The following MACROD1 variants were observed in gnomAD, a reference collection of about 807,000 sequenced individuals.
MACROD1 encodes ADP-ribose glycohydrolase MACROD1.
Under a neutral mutation model 41.4 loss-of-function variants are expected in MACROD1, and 31 were observed. That is an observed-to-expected ratio of 0.75 (90% CI 0.56 to 1.01). MACROD1 has a LOEUF of 1.01. Ranked by LOEUF, MACROD1 falls within the 50% of genes least tolerant of loss-of-function variation. The pLI is 0.00. For missense variants in MACROD1, 473 were observed against 460.0 expected (o/e 1.03, Z -0.26); for synonymous variants, 252 against 203.4 (o/e 1.24, Z -2.03).
At chr11:64,108,854 C>A (rs1310906422) in intron 3 of MACROD1, among the ~76,000 whole-genome samples, 1 of 152,142 alleles carries the variant, frequency 6.6e-6, no homozygotes, top group Non-Finnish European at 1.5e-5. Context: ...CCAAAGGACC[C>A]CAGGGTCTGC....
intron 3 of MACROD1, among the ~76,000 whole-genome samples, chr11:64,101,896 C>A (rs1334447778): frequency 6.6e-6 from 1 of 152,184 alleles, no homozygotes; most frequent in Non-Finnish European, 1.5e-5. Context: ...GCCACCCTGT[C>A]CACCCCATCA....
chr11:64,010,525 G>A (rs559494533), intron 4 of MACROD1, among the ~76,000 whole-genome samples: 2 of 150,602 alleles, frequency 1.3e-5, no homozygotes, highest in Non-Finnish European at 3.0e-5. Context: ...GTGTTGGTTG[G>A]GGCGTTGGCT....
Position 64,037,717 on chromosome 11 carries a change from A to G in MACROD1, c.518-22436T>C, listed in dbSNP as rs1441155177. ...CAGAGACTGGATACTCTTCAGTAAA[A>G]AGCACCCTGACCCCAGCATGGAGGC... On this transcript the variant is annotated intron_variant, in intron 3 of 10. Transcript: ENST00000255681. Among the ~76,000 whole-genome samples the G allele has an allele frequency of 2.0e-5, 3 of 152,094 alleles. No homozygotes were observed. The East Asian group carries it at 5.8e-4, about 30-fold the overall frequency.
intron 1 of MACROD1, among the ~76,000 whole-genome samples, chr11:64,164,442 A>T (rs1945804291): frequency 6.6e-6 from 1 of 152,122 alleles, no homozygotes; most frequent in South Asian, 2.1e-4. Flanking sequence ...TTGTCCTCTG[A>T]GAGAGTGCTC....
At position 64,010,399 on chromosome 11, in the gene MACROD1, G is replaced by A. The variant is rs377151311; in HGVS notation, c.547+4853C>T. On this transcript the variant is annotated intron_variant, in intron 4 of 10. Transcript: ENST00000255681. Reference sequence around the variant, plus strand: ...GATGTTGGCTGGGGTGTTGACCGGGGTGTTGGCTGGAGTGTTGGTTGAGAT... The same window carrying A: ...GATGTTGGCTGGGGTGTTGACCGGGATGTTGGCTGGAGTGTTGGTTGAGAT... 1.6e-3 allele frequency among the ~76,000 whole-genome samples: 228 copies of A among 146,730 alleles called. 1 individual carries two copies. The Middle Eastern group carries it at 0.022, about 14-fold the overall frequency.
intron 3 of MACROD1, among the ~76,000 whole-genome samples, chr11:64,085,355 C>G (rs1030875122): frequency 6.6e-6 from 1 of 152,214 alleles, no homozygotes. Flanking sequence ...CACCCCAAAT[C>G]GAATTCGTGC....
chr11:64,104,377 G>A (rs1944722074), intron 3 of MACROD1, among the ~76,000 whole-genome samples: 1 of 152,090 alleles, frequency 6.6e-6, no homozygotes, highest in African/African-American at 2.4e-5. Flanking sequence ...GGCAGCTTCT[G>A]CTTGCCGGCA....
In MACROD1 at chr11:64,115,381, C is replaced by CTT. The variant is rs111536886; in HGVS notation, c.517+35856_517+35857dup. On this transcript the variant is annotated intron_variant, in intron 3 of 10. Transcript: ENST00000255681. ...CCTTTAAGTGCAAGAAAACAGACCA[C>CTT]TTTTTTTTTTTTTGAATAGCTGAAA... Among the ~76,000 whole-genome samples the CTT allele has an allele frequency of 6.8e-5, 10 of 146,006 alleles. No individual in the cohort carries two copies. The East Asian group carries it at 1.6e-3, about 23-fold the overall frequency.
At chr11:64,040,205 C>A (rs1943458928) in intron 3 of MACROD1, among the ~76,000 whole-genome samples, 1 of 152,040 alleles carries the variant, frequency 6.6e-6, no homozygotes, top group Admixed American at 6.5e-5. Context: ...CCCCGTGAAG[C>A]CTTGGCTCTG....
intron 3 of MACROD1, among the ~76,000 whole-genome samples, chr11:64,083,715 G>A (rs937538724): frequency 6.6e-6 from 1 of 152,254 alleles, no homozygotes; most frequent in Admixed American, 6.5e-5. Context: ...CGCCAGACTG[G>A]CTCCAGGTCT....
intron 3 of MACROD1, among the ~76,000 whole-genome samples, chr11:64,066,510 T>A (rs1372428220): frequency 6.6e-6 from 1 of 151,678 alleles, no homozygotes; most frequent in Non-Finnish European, 1.5e-5. Context: ...TCCCAGCTAC[T>A]CCAGAGGCTG....
chr11:64,019,645 T>G (rs942531174), intron 3 of MACROD1, among the ~76,000 whole-genome samples: 2 of 152,148 alleles, frequency 1.3e-5, no homozygotes, highest in Admixed American at 6.6e-5. Context: ...GCCAGTTGGG[T>G]GCCAGGGTTG....
chr11:64,155,580 A>G (rs976702639), intron 1 of MACROD1, among the ~76,000 whole-genome samples: 1 of 152,254 alleles, frequency 6.6e-6, no homozygotes, highest in African/African-American at 2.4e-5. Flanking sequence ...TACACGCCAG[A>G]CACACTCACT....
intron 1 of MACROD1, among the ~76,000 whole-genome samples, chr11:64,157,061 T>C (rs1159616482): frequency 6.6e-6 from 1 of 152,068 alleles, no homozygotes; most frequent in Non-Finnish European, 1.5e-5. Context: ...ACAGGGGCCT[T>C]AAGCCAGGAA....
chr11:64,131,528 T>A (rs945481803), intron 3 of MACROD1, among the ~76,000 whole-genome samples: 2 of 152,276 alleles, frequency 1.3e-5, no homozygotes, highest in South Asian at 4.1e-4. Context: ...GGTTTCTCCA[T>A]GTTGGCCAGG....
chr11:64,058,769 C>T (rs1234660698), intron 3 of MACROD1, among the ~76,000 whole-genome samples: 4 of 152,232 alleles, frequency 2.6e-5, no homozygotes, highest in Non-Finnish European at 4.4e-5. Context: ...GGTGGCCAGA[C>T]GATTCCTCTG....
intron 3 of MACROD1, among the ~76,000 whole-genome samples, chr11:64,095,758 C>T (rs1420609817): frequency 6.6e-6 from 1 of 152,218 alleles, no homozygotes; most frequent in Non-Finnish European, 1.5e-5. Context: ...ACCCCCAGCA[C>T]TAGCACGGAG....
In MACROD1 at chr11:64,040,425, G is replaced by A. The variant is rs899343691; in HGVS notation, c.518-25144C>T. On this transcript the variant is annotated intron_variant, in intron 3 of 10. Coordinates refer to ENST00000255681, the MANE Select transcript of MACROD1 (RefSeq NM_014067.4). Reference sequence around the variant, plus strand: ...GAGGGCAGAGGGGCTCAAGGCACCCGGCCAGGGCTGGGGCTGGTGGGCTGT... The same window carrying A: ...GAGGGCAGAGGGGCTCAAGGCACCCAGCCAGGGCTGGGGCTGGTGGGCTGT... Among the ~76,000 whole-genome samples, 4 of 152,154 alleles carry A rather than the reference G, an allele frequency of 2.6e-5. 1 individual carries two copies. The highest frequency in any genetic ancestry group is 2.4e-5 in the African/African-American group (1 of 41,428).
At position 64,152,272 on chromosome 11, in the gene MACROD1, C is replaced by G; in HGVS notation, c.400+20G>C. On this transcript the variant is annotated intron_variant, in intron 2 of 10. Coordinates refer to ENST00000255681, the MANE Select transcript of MACROD1 (RefSeq NM_014067.4). Reference sequence around the variant, plus strand: ...GGGTCTGGAGCCTGCCCACCAGGGCCTCCCCCGAGCAGGGCCTACCTTTCG... The same window carrying G: ...GGGTCTGGAGCCTGCCCACCAGGGCGTCCCCCGAGCAGGGCCTACCTTTCG... 1 of 1,611,628 alleles carries G rather than the reference C, an allele frequency of 6.2e-7. No individual in the cohort carries two copies. The highest frequency in any genetic ancestry group is 8.5e-7 in the Non-Finnish European group (1 of 1,177,656).
Sources: gnomAD v4.1 joint callset for allele counts (sites outside exome capture counted in the v4.1 genomes callset) on GRCh38, gnomAD v4.1.1 for gene constraint, MANE v1.5 for transcripts, NCBI Gene and HGNC (gene_info 2026-07-23, HGNC 2026-07-21) for gene names.